GTPBP1: variants seen among roughly 807,000 people sequenced by gnomAD.
GTPBP1 encodes GTP binding protein 1, also known as GTP-binding protein 1.
GTPBP1 carries 23 observed loss-of-function variants against 62.0 expected under a neutral mutation model. The ratio of observed to expected loss-of-function variants is 0.37; its 90% CI spans 0.27 to 0.53. The LOEUF (loss-of-function observed/expected upper bound fraction) is 0.53. GTPBP1 is among the 20% of genes least tolerant of loss of function. The pLI, the probability that GTPBP1 is intolerant of heterozygous loss-of-function variation, is 0.89. For synonymous variants in GTPBP1, 344 were observed against 364.4 expected (o/e 0.94, Z 0.64); for missense variants, 640 against 917.3 (o/e 0.70, Z 3.90).
intron 4 of GTPBP1, among the ~76,000 whole-genome samples, chr22:38,717,887 G>A (rs1037364601): frequency 6.6e-6 from 1 of 152,200 alleles, no homozygotes; most frequent in Non-Finnish European, 1.5e-5. Flanking sequence ...CACATGCCTC[G>A]AGTGTTCCCT....
At chr22:38,722,684 C>G (rs948694225) in intron 5 of GTPBP1, 1 of 1,575,794 alleles carries the variant, frequency 6.3e-7, no homozygotes, top group Non-Finnish European at 8.7e-7. Context: ...ATGATAAAAG[C>G]AGGCTTCAAC....
At chr22:38,736,743 G>C (rs138703), downstream of GTPBP1, 1 of 180,602 alleles carries the variant, frequency 5.5e-6, no homozygotes. Flanking sequence ...TCTAGCCACA[G>C]TGTTGGGAAT....
intron 4 of GTPBP1, 91 bp downstream of exon 4, chr22:38,717,091 C>T (rs2092675095): frequency 1.2e-6 from 1 of 803,622 alleles, no homozygotes; most frequent in Non-Finnish European, 2.0e-6. Context: ...GAGACTGAGG[C>T]CTGTTGGTTT....
intron 4 of GTPBP1, among the ~76,000 whole-genome samples, chr22:38,719,693 C>G (rs2092689305): frequency 6.6e-6 from 1 of 151,336 alleles, no homozygotes; most frequent in African/African-American, 2.4e-5. Flanking sequence ...GACAAAGTCA[C>G]AATGTAGACA....
At chr22:38,711,211 C>T (rs1213999265) in intron 2 of GTPBP1, among the ~76,000 whole-genome samples, 1 of 152,164 alleles carries the variant, frequency 6.6e-6, no homozygotes, top group Admixed American at 6.5e-5. Context: ...CTCATCCTAC[C>T]TCAGAGAAAT....
rs568011231 is a variant in GTPBP1 at position 38,730,720 on chromosome 22, A to G, written c.*16A>G. On this transcript the variant is annotated 3_prime_UTR_variant, in exon 12 of 12. Coordinates refer to ENST00000216044, the MANE Select transcript of GTPBP1 (RefSeq NM_004286.5). This position sits in a 1 kb window ranked among gnomAD's most constrained non-coding sequence, Gnocchi z 5.6. Reference sequence around the variant, plus strand: ...CGGCTGCTGAACCTTCCCCTGGCCCACCCTCACCACCCAAGGGGTCATCAT... The same window carrying G: ...CGGCTGCTGAACCTTCCCCTGGCCCGCCCTCACCACCCAAGGGGTCATCAT... 2.0e-5 allele frequency: 28 copies of G among 1,408,274 alleles called. No homozygotes were observed. The highest frequency in any genetic ancestry group is 2.2e-5 in the Non-Finnish European group (22 of 1,018,916). 87.2% of individuals were successfully genotyped at this position (1,408,274 alleles called of 1,614,324 possible). A position where few individuals can be genotyped will look rare whatever the true frequency, so the allele number is the denominator to read the frequency against.
At position 38,716,235 on chromosome 22, in the gene GTPBP1, C is replaced by G. The variant is rs577931444; in HGVS notation, c.485+148C>G. 3 of 672,234 alleles carry G rather than the reference C, an allele frequency of 4.5e-6. No individual in the cohort carries two copies. Among genetic ancestry groups the G allele is most frequent in the East Asian group, 5.5e-5 (2 of 36,344 alleles). 41.6% of individuals were successfully genotyped at this position (672,234 alleles called of 1,614,324 possible). A position where few individuals can be genotyped will look rare whatever the true frequency, so the allele number is the denominator to read the frequency against. On this transcript the variant is annotated intron_variant, in intron 3 of 11. Transcript: ENST00000216044. The surrounding 1 kb of genome is among the most constrained non-coding windows in gnomAD (Gnocchi z 5.2). ...TGTCTGGAGACGTGGGCTCCTTGCT[C>G]TAATTCTGCACTTCCCTGTCACTTT... is the stretch of plus-strand genomic sequence containing the variant.
At chr22:38,723,314 G>A in intron 5 of GTPBP1, 1 of 843,346 alleles carries the variant, frequency 1.2e-6, no homozygotes, top group Non-Finnish European at 2.1e-6. Flanking sequence ...CTGGGCGACA[G>A]CAGGTGCATG....
In GTPBP1 at chr22:38,727,422, G is replaced by C. The variant is rs1209687928; in HGVS notation, c.1537+74G>C. The C allele has an allele frequency of 1.7e-5, 24 of 1,401,468 alleles. No homozygotes were observed. Among genetic ancestry groups the C allele is most frequent in the Non-Finnish European group, 2.3e-5 (24 of 1,048,200 alleles). The allele number at this position is 1,401,468 out of a possible 1,614,324, so 86.8% of individuals were successfully genotyped here. A position where few individuals can be genotyped will look rare whatever the true frequency, so the allele number is the denominator to read the frequency against. ...CCTCAGAAGGTGTTCCAGCAACCCA[G>C]GCCCCCTAGTTCCAGCTGCAGCTGG... On this transcript the variant is annotated intron_variant, in intron 9 of 11. Coordinates refer to ENST00000216044, the MANE Select transcript of GTPBP1 (RefSeq NM_004286.5). The surrounding 1 kb of genome is among the most constrained non-coding windows in gnomAD (Gnocchi z 6.5).
chr22:38,739,003 G>A, downstream of GTPBP1: 1 of 1,601,254 alleles, frequency 6.2e-7, no homozygotes, highest in East Asian at 2.3e-5. This position sits in a 1 kb window ranked among gnomAD's most constrained non-coding sequence, Gnocchi z 6.7. Context: ...GACAGGAGAG[G>A]AAGGCAGGGT....
chr22:38,723,131 A>G (rs1201419272), intron 5 of GTPBP1: 6 of 788,248 alleles, frequency 7.6e-6, no homozygotes, highest in Non-Finnish European at 1.4e-5. Flanking sequence ...TTCACAGTTC[A>G]CATCATGAAA....
chr22:38,739,554 G>T, downstream of GTPBP1: 9 of 1,314,158 alleles, frequency 6.8e-6, no homozygotes, highest in Non-Finnish European at 9.6e-6. The surrounding 1 kb of genome is among the most constrained non-coding windows in gnomAD (Gnocchi z 6.7). Context: ...TGCCCAGGCA[G>T]ATGTGGGCAC....
At chr22:38,728,306 T>A in intron 10 of GTPBP1, 145 bp downstream of exon 10, 1 of 646,900 alleles carries the variant, frequency 1.5e-6, no homozygotes, top group South Asian at 1.8e-5. Context: ...ATCTCTCTAC[T>A]CCCTTAGAGG....
At chr22:38,736,449 AGGG>A, downstream of GTPBP1, 1 of 1,348,696 alleles carries the variant, frequency 7.4e-7, no homozygotes, top group South Asian at 1.4e-5. Context: ...GAAGGTGGGA[AGGG>A]GAGACAGCCT....
chr22:38,710,629 A>AG (rs1555993391), intron 2 of GTPBP1, among the ~76,000 whole-genome samples: 1 of 152,140 alleles, frequency 6.6e-6, no homozygotes, highest in Non-Finnish European at 1.5e-5. Context: ...CAAAAAAAAA[A>AG]CATTCCATTT....
downstream of GTPBP1, chr22:38,736,261 G>C (rs369326957): frequency 6.2e-7 from 1 of 1,609,830 alleles, no homozygotes; most frequent in African/African-American, 1.3e-5. Context: ...GCACCAGTAA[G>C]CAGGGCTAGT....
chr22:38,724,487 G>A, intron 6 of GTPBP1, 76 bp downstream of exon 6: 1 of 846,268 alleles, frequency 1.2e-6, no homozygotes, highest in Non-Finnish European at 2.0e-6. Flanking sequence ...GCCTGGAATG[G>A]CTGTCAGTTT....
At chr22:38,736,321 G>T, downstream of GTPBP1, 1 of 1,614,090 alleles carries the variant, frequency 6.2e-7, no homozygotes, top group Non-Finnish European at 8.5e-7. Flanking sequence ...TGTACTCGGG[G>T]TGGCCCCAGT....
At position 38,727,407 on chromosome 22, in the gene GTPBP1, T is replaced by A; in HGVS notation, c.1537+59T>A. The A allele has an allele frequency of 6.9e-7, 1 of 1,458,250 alleles. No homozygotes were observed. Among genetic ancestry groups the A allele is most frequent in the African/African-American group, 1.4e-5 (1 of 68,998 alleles). 90.3% of individuals were successfully genotyped at this position (1,458,250 alleles called of 1,614,324 possible). ...CGTCGTGTTAGCTCCCCTCAGAAGGTGTTCCAGCAACCCAGGCCCCCTAGT... is the reference window on the plus strand; with the variant it reads ...CGTCGTGTTAGCTCCCCTCAGAAGGAGTTCCAGCAACCCAGGCCCCCTAGT... On this transcript the variant is annotated intron_variant, in intron 9 of 11. Transcript: ENST00000216044. The surrounding 1 kb of genome is among the most constrained non-coding windows in gnomAD (Gnocchi z 6.5).
Sources: allele counts gnomAD v4.1 joint callset (sites outside exome capture counted in the v4.1 genomes callset), GRCh38; gene constraint gnomAD v4.1.1; non-coding constraint Gnocchi (gnomAD v3.1); transcripts MANE v1.5; gene names NCBI Gene and HGNC (gene_info 2026-07-23, HGNC 2026-07-21).